The following PEAK1 variants were observed in gnomAD, a reference collection of about 807,000 sequenced individuals.
The protein encoded by PEAK1 is pseudopodium enriched atypical kinase 1, also known as inactive tyrosine-protein kinase PEAK1.
PEAK1 carries 54 observed loss-of-function variants against 124.7 expected under a neutral mutation model. The ratio of observed to expected loss-of-function variants is 0.43; its 90% CI spans 0.35 to 0.54. The LOEUF (loss-of-function observed/expected upper bound fraction) is 0.54. Among genes scored for constraint, PEAK1 ranks in the 20% least tolerant of loss-of-function variants. The pLI, the probability that PEAK1 is intolerant of heterozygous loss-of-function variation, is 0.01. For missense variants in PEAK1, 2,046 were observed against 2,134.5 expected (o/e 0.96, Z 0.82); for synonymous variants, 719 against 760.0 (o/e 0.95, Z 0.89).
At chr15:77,208,279 T>G (rs1467941552) in intron 6 of PEAK1, among the ~76,000 whole-genome samples, 1 of 152,212 alleles carries the variant, frequency 6.6e-6, no homozygotes. Flanking sequence ...CTATACCACT[T>G]TTAAGTAGTA....
At chr15:77,163,780 T>C (rs1193161120) in intron 7 of PEAK1, among the ~76,000 whole-genome samples, 1 of 152,088 alleles carries the variant, frequency 6.6e-6, no homozygotes, top group Admixed American at 6.6e-5. Context: ...TATTCTGAAT[T>C]CCATTTGTTA....
At chr15:77,346,797 C>T in intron 2 of PEAK1, 2 of 928,532 alleles carry the variant, frequency 2.2e-6, no homozygotes, top group Non-Finnish European at 2.6e-6. Context: ...TACTGAAATG[C>T]CTATTATGGC....
At chr15:77,379,085 T>C (rs911531146) in intron 1 of PEAK1, among the ~76,000 whole-genome samples, 2 of 152,232 alleles carry the variant, frequency 1.3e-5, no homozygotes, top group African/African-American at 4.8e-5. Context: ...TTACAAGTTA[T>C]ATTGGTAATA....
intron 5 of PEAK1, among the ~76,000 whole-genome samples, chr15:77,261,212 C>T (rs192571529): frequency 1.4e-4 from 21 of 152,230 alleles, no homozygotes; most frequent in African/African-American, 5.1e-4. Context: ...AAAATCAGAG[C>T]GCCTCTCCTC....
chr15:77,242,066 T>C (rs2060382615), intron 6 of PEAK1, among the ~76,000 whole-genome samples: 1 of 152,132 alleles, frequency 6.6e-6, no homozygotes, highest in Non-Finnish European at 1.5e-5. Context: ...ACCATTCTTT[T>C]GTACTTGATG....
At chr15:77,184,014 G>A (rs1331900384) in intron 6 of PEAK1, among the ~76,000 whole-genome samples, 1 of 152,052 alleles carries the variant, frequency 6.6e-6, no homozygotes, top group East Asian at 1.9e-4. Context: ...TTTTTTTATA[G>A]AGATGGGGTT....
intron 2 of PEAK1, among the ~76,000 whole-genome samples, chr15:77,315,727 C>G (rs1299212344): frequency 6.6e-6 from 1 of 151,708 alleles, no homozygotes; most frequent in East Asian, 1.9e-4. Flanking sequence ...AAACATTGGA[C>G]AAATCACAAA....
intron 2 of PEAK1, among the ~76,000 whole-genome samples, chr15:77,323,795 T>C (rs895802880): frequency 6.6e-6 from 1 of 152,120 alleles, no homozygotes; most frequent in Non-Finnish European, 1.5e-5. Context: ...TTAAAGTTCA[T>C]ATGGAACCAA....
Position 77,180,818 on chromosome 15 carries a change from G to A in PEAK1, c.1109C>T (p.Ser370Phe). The A allele has an allele frequency of 1.2e-6, 2 of 1,613,996 alleles. No individual in the cohort carries two copies. The highest frequency in any genetic ancestry group is 1.7e-6 in the Non-Finnish European group (2 of 1,179,962). The stretch of plus-strand genomic sequence containing the variant: ...CTTAGAATCTCCTGGGTTACCAGGA[G>A]ATAATCCCCCATTACAAATCTTCTG... ...LSQKICNGGL[S>F]PGNPGDSKDM... Residue 370 changes from serine to phenylalanine, a missense_variant, in exon 7 of 10, where the codon TCT becomes TTT. Coordinates refer to ENST00000682557, the MANE Select transcript of PEAK1 (RefSeq NM_001385026.1).
chr15:77,379,478 C>T (rs1263732886), intron 1 of PEAK1, among the ~76,000 whole-genome samples: 1 of 152,154 alleles, frequency 6.6e-6, no homozygotes, highest in African/African-American at 2.4e-5. Context: ...CTCATACTTA[C>T]AATTCTATAC....
rs1202602755 is a variant in PEAK1, at chr15:77,114,152, C to T, written c.*4G>A. 1 of 1,611,958 alleles carries T rather than the reference C, an allele frequency of 6.2e-7. No individual in the cohort carries two copies. The highest frequency in any genetic ancestry group is 1.7e-5 in the Admixed American group (1 of 59,990). On this transcript the variant is annotated 3_prime_UTR_variant, in exon 10 of 10. Transcript: ENST00000682557. ...ATGTAGTAAAAGCATCATCCAGGTA[C>T]ACATTAACGGTGCTGCAGAATTTTC...
At chr15:77,127,365 T>C (rs1210893332) in intron 9 of PEAK1, among the ~76,000 whole-genome samples, 1 of 152,234 alleles carries the variant, frequency 6.6e-6, no homozygotes, top group African/African-American at 2.4e-5. Context: ...AGAAGTGGTG[T>C]GCTGTTGTAA....
intron 5 of PEAK1, among the ~76,000 whole-genome samples, chr15:77,254,314 A>G (rs1034547779): frequency 6.6e-5 from 10 of 152,198 alleles, no homozygotes; most frequent in Non-Finnish European, 1.3e-4. Context: ...TCCAATATAC[A>G]TAAGTTTGAC....
intron 5 of PEAK1, chr15:77,255,453 C>T (rs1434967019): frequency 2.3e-6 from 2 of 859,952 alleles, no homozygotes; most frequent in Non-Finnish European, 2.8e-6. Context: ...AGTTACCTTT[C>T]TGTTTTATTT....
intron 6 of PEAK1, among the ~76,000 whole-genome samples, chr15:77,233,405 A>G (rs1482233231): frequency 2.0e-5 from 3 of 152,020 alleles, no homozygotes; most frequent in African/African-American, 7.2e-5. Flanking sequence ...ATAGTTGATT[A>G]CTCCATTCTT....
chr15:77,249,111 G>A (rs1286488265), intron 6 of PEAK1, among the ~76,000 whole-genome samples: 2 of 152,010 alleles, frequency 1.3e-5, no homozygotes, highest in African/African-American at 4.8e-5. Flanking sequence ...CGTGAGCCAT[G>A]GTGCCTGGCC....
chr15:77,264,423 C>G (rs991781071), intron 5 of PEAK1, among the ~76,000 whole-genome samples: 6 of 152,174 alleles, frequency 3.9e-5, no homozygotes. Flanking sequence ...GATACAAAAT[C>G]AATGTATAAA....
At chr15:77,127,378 A>G (rs1441907996) in intron 9 of PEAK1, among the ~76,000 whole-genome samples, 1 of 152,212 alleles carries the variant, frequency 6.6e-6, no homozygotes, top group Non-Finnish European at 1.5e-5. Flanking sequence ...TGTTGTAAAA[A>G]TACTTTAAAA....
chr15:77,224,249 A>T (rs139665896), intron 6 of PEAK1, among the ~76,000 whole-genome samples: 1 of 152,056 alleles, frequency 6.6e-6, no homozygotes, highest in African/African-American at 2.4e-5. Context: ...GTAAACTAAC[A>T]TTCTTAACAT....
Sources: allele counts gnomAD v4.1 joint callset (sites outside exome capture counted in the v4.1 genomes callset), GRCh38; gene constraint gnomAD v4.1.1; transcripts MANE v1.5; gene names NCBI Gene and HGNC (gene_info 2026-07-23, HGNC 2026-07-21).